Variants in USP22 observed in about 807,000 individuals in gnomAD.
USP22 encodes ubiquitin carboxyl-terminal hydrolase 22.
Under a neutral mutation model 68.1 loss-of-function variants are expected in USP22, and 22 were observed. The observed-to-expected ratio is 0.32, with a 90% CI of 0.23 to 0.46. USP22 has a LOEUF of 0.46. USP22 is among the 20% of genes least tolerant of loss of function. USP22 has a pLI of 1.00. For missense variants in USP22, 433 were observed against 695.8 expected, an observed-to-expected ratio of 0.62 and a Z score of 4.25; for synonymous variants, 279 against 274.2, an observed-to-expected ratio of 1.02 and a Z score of -0.17.
At chr17:21,008,641 G>A (rs577123332) in intron 8 of USP22, among the ~76,000 whole-genome samples, 1 of 152,160 alleles carries the variant, frequency 6.6e-6, no homozygotes, top group Non-Finnish European at 1.5e-5. Context: ...GGAGATGCTG[G>A]GTACTTTCCG....
intron 1 of USP22, among the ~76,000 whole-genome samples, chr17:21,035,163 CACAT>C (rs1405495737): frequency 6.6e-6 from 1 of 152,186 alleles, no homozygotes; most frequent in African/African-American, 2.4e-5. Flanking sequence ...CTGTCAATTA[CACAT>C]GTATGGGGAG....
At chr17:21,004,390 T>C (rs1283912064) in intron 11 of USP22, 39 bp from the exon 12 acceptor site, 8 of 1,607,626 alleles carry the variant, frequency 5.0e-6, no homozygotes, top group Non-Finnish European at 6.8e-6. Flanking sequence ...CGCAGGTGAC[T>C]TGATGCCGTC....
chr17:21,014,036 T>C (rs1914054694), intron 6 of USP22, among the ~76,000 whole-genome samples: 1 of 152,190 alleles, frequency 6.6e-6, no homozygotes, highest in African/African-American at 2.4e-5. Context: ...ATCGCACCAC[T>C]GCACTCCAGC....
upstream of USP22, chr17:21,043,227 C>T: frequency 5.9e-6 from 1 of 168,830 alleles, no homozygotes; most frequent in East Asian, 1.6e-4. Flanking sequence ...TAGACCCGCG[C>T]CCGAGGAAGC....
At position 21,042,848 on chromosome 17, in the gene USP22, CCGGCCGCGCGCGGGGGG is replaced by C; in HGVS notation, c.-30_-14del. The C allele has an allele frequency of 7.9e-7, 1 of 1,263,998 alleles. No individual in the cohort carries two copies. The highest frequency in any genetic ancestry group is 1.0e-6 in the Non-Finnish European group (1 of 1,003,844). The allele number at this position is 1,263,998 out of a possible 1,614,324, so 78.3% of individuals were successfully genotyped here. ...GCCGGGACACCATGGGGGGCAAGGC[CCGGCCGCGCGCGGGGGG>C]CGGCGGCGAGGGAGGCGAGGACGAC... On this transcript the variant is annotated 5_prime_UTR_variant, in exon 1 of 13. Coordinates refer to ENST00000261497, the MANE Select transcript of USP22 (RefSeq NM_015276.2).
chr17:21,019,607 G>C (rs2364330), intron 3 of USP22, among the ~76,000 whole-genome samples: 113,105 of 151,746 alleles, frequency 0.75, 42,612 homozygotes, highest in South Asian at 0.82. Flanking sequence ...CATAAACTCA[G>C]CGTCGAGTTA....
At position 21,002,623 on chromosome 17, in the gene USP22, G is replaced by A. The variant is rs1439369218; in HGVS notation, c.*408C>T. 7.8e-6 allele frequency: 2 copies of A among 256,200 alleles called. No homozygotes were observed. Among genetic ancestry groups the A allele is most frequent in the Non-Finnish European group, 1.6e-5 (2 of 128,732 alleles). 15.9% of individuals were successfully genotyped at this position (256,200 alleles called of 1,614,324 possible). On this transcript the variant is annotated 3_prime_UTR_variant, in exon 13 of 13. Transcript: ENST00000261497. ...TCTGTCCCGCACACTACACCTCTGT[G>A]TCCAGCTTACTGCTTTCATGGACCC...
At chr17:21,032,597 C>T (rs1046879641) in intron 1 of USP22, among the ~76,000 whole-genome samples, 5 of 152,162 alleles carry the variant, frequency 3.3e-5, no homozygotes, top group African/African-American at 1.2e-4. Context: ...CGGTCACTCA[C>T]ATGGGGTTCA....
intron 1 of USP22, among the ~76,000 whole-genome samples, chr17:21,033,122 C>T (rs1475889645): frequency 6.6e-6 from 1 of 152,078 alleles, no homozygotes; most frequent in East Asian, 1.9e-4. Flanking sequence ...CAGCCCAGCA[C>T]ACCACTTTCT....
Position 21,003,083 on chromosome 17 carries a change from C to T in USP22, c.1536-10G>A, listed in dbSNP as rs1484543769. ...ATAGAACAGCAAGTACCTGTGGAGG[C>T]AGAGAGAGGGAGGAGGCTCACCTCT... On this transcript the variant is annotated splice_polypyrimidine_tract_variant and intron_variant, in intron 12 of 12. Coordinates refer to ENST00000261497, the MANE Select transcript of USP22 (RefSeq NM_015276.2). The T allele has an allele frequency of 1.2e-6, 2 of 1,613,824 alleles. No individual in the cohort carries two copies. Among genetic ancestry groups the T allele is most frequent in the Admixed American group, 1.7e-5 (1 of 60,024 alleles).
In USP22 at chr17:21,002,152, A is replaced by G. The variant is rs1165350096; in HGVS notation, c.*879T>C. The G allele has an allele frequency of 6.6e-6, 1 of 152,342 alleles. No homozygotes were observed. The highest frequency in any genetic ancestry group is 1.5e-5 in the Non-Finnish European group (1 of 68,146). 9.4% of individuals were successfully genotyped at this position (152,342 alleles called of 1,614,324 possible). On this transcript the variant is annotated 3_prime_UTR_variant, in exon 13 of 13. Coordinates refer to ENST00000261497, the MANE Select transcript of USP22 (RefSeq NM_015276.2). ...AGACACACCGTATGAGCTGCAGCAC[A>G]ACTCTCCTCCGCTGCGCCCACTGCC...
Position 21,012,778 on chromosome 17 carries a change from C to A in USP22, c.944+52G>T. 3 of 1,516,738 alleles carry A rather than the reference C, an allele frequency of 2.0e-6. No individual in the cohort carries two copies. In the South Asian group the frequency reaches 3.4e-5, roughly 17 times the overall value. The allele number at this position is 1,516,738 out of a possible 1,614,324, so 94.0% of individuals were successfully genotyped here. A position where few individuals can be genotyped will look rare whatever the true frequency, so the allele number is the denominator to read the frequency against. On this transcript the variant is annotated intron_variant, in intron 7 of 12. Transcript: ENST00000261497. ...ACAGCTCTGGAGACTGGGAGGATGT[C>A]AGTACGGCCCCAGAGGGTTTGATAT...
At chr17:21,012,459 C>T (rs141374672) in intron 7 of USP22, among the ~76,000 whole-genome samples, 17 of 152,170 alleles carry the variant, frequency 1.1e-4, no homozygotes, top group Non-Finnish European at 2.1e-4. Flanking sequence ...TAACACACTT[C>T]GAAGCACGTA....
intron 5 of USP22, among the ~76,000 whole-genome samples, chr17:21,017,508 A>C (rs903852028): frequency 1.3e-5 from 2 of 152,258 alleles, no homozygotes; most frequent in African/African-American, 4.8e-5. Flanking sequence ...TGCAGCGCGT[A>C]GCTCATGAGG....
Position 21,008,023 on chromosome 17 carries a change from C to T in USP22, c.1104-27G>A, listed in dbSNP as rs1036337927. ...TACAGGCGTTCAAAAAAGACAGGAG[C>T]GGTAAGGGAGATGCAAGAGACAGAA... On this transcript the variant is annotated intron_variant, in intron 8 of 12. Transcript: ENST00000261497. 1.7e-5 allele frequency: 27 copies of T among 1,606,392 alleles called. 1 individual carries two copies. The highest frequency in any genetic ancestry group is 1.2e-4 in the African/African-American group (9 of 74,580).
At chr17:21,007,013 G>A (rs745500365) in intron 9 of USP22, 26 bp from the exon 10 acceptor site, 1 of 1,564,094 alleles carries the variant, frequency 6.4e-7, no homozygotes, top group East Asian at 2.4e-5. Flanking sequence ...GGGGACAGAG[G>A]GAAGAGGAAA....
intron 4 of USP22, among the ~76,000 whole-genome samples, chr17:21,018,815 C>A (rs1413659106): frequency 2.6e-5 from 4 of 152,244 alleles, no homozygotes; most frequent in Non-Finnish European, 5.9e-5. Context: ...CAGCCTCACC[C>A]TGGCCAAAAT....
chr17:21,027,291 C>CAAAAAAAAAAAAAA (rs1326129991), intron 2 of USP22, among the ~76,000 whole-genome samples: 1 of 10,690 alleles, frequency 9.4e-5, no homozygotes, highest in African/African-American at 2.9e-4. Context: ...GACCCTGTCT[C>CAAAAAAAAAAAAAA]CAAAAAAAAA....
intron 3 of USP22, 43 bp downstream of exon 3, chr17:21,021,070 G>A (rs769141328): frequency 1.3e-6 from 2 of 1,487,634 alleles, no homozygotes; most frequent in Non-Finnish European, 1.9e-6. Flanking sequence ...ATGGACATGA[G>A]GGAACTGCAG....
Sources: gnomAD v4.1 joint callset for allele counts (sites outside exome capture counted in the v4.1 genomes callset) on GRCh38, gnomAD v4.1.1 for gene constraint, MANE v1.5 for transcripts, NCBI Gene and HGNC (gene_info 2026-07-23, HGNC 2026-07-21) for gene names.